Variants in GBP5 observed in about 807,000 individuals in gnomAD.
GBP5 encodes the protein guanylate-binding protein 5.
GBP5 carries 48 observed loss-of-function variants against 58.2 expected under a neutral mutation model. The observed-to-expected ratio is 0.83, with a 90% CI of 0.65 to 1.05. The LOEUF is 1.05. GBP5 is among the 50% of genes least tolerant of loss of function. The pLI is 0.00. For missense variants in GBP5, 714 were observed against 686.8 expected (o/e 1.04, Z -0.44); for synonymous variants, 248 against 251.8 (o/e 0.98, Z 0.14).
intron 4 of GBP5, 144 bp from the exon 5 acceptor site, chr1:89,267,670 C>T: frequency 1.6e-6 from 1 of 616,036 alleles, no homozygotes; most frequent in Admixed American, 2.7e-5. Flanking sequence ...CTCTTGTTAA[C>T]ATTGATAATT....
rs1007266647 is a variant in GBP5, at chr1:89,265,524, C to T, written c.869-558G>A. ...CGGGCGGATCACGAGGTGAGGAGAT[C>T]GAGACCATCTTGGCTAACACGGTGA... On this transcript the variant is annotated intron_variant, in intron 7 of 11. Coordinates refer to ENST00000370459, the MANE Select transcript of GBP5 (RefSeq NM_052942.5). Among the ~76,000 whole-genome samples, 56 of 151,170 alleles carry T rather than the reference C, an allele frequency of 3.7e-4. 1 individual carries two copies. The highest frequency in any genetic ancestry group is 1.3e-3 in the African/African-American group (52 of 41,258).
At chr1:89,268,695 G>A (rs1176493379) in intron 4 of GBP5, 34 bp downstream of exon 4, 3 of 1,610,190 alleles carry the variant, frequency 1.9e-6, no homozygotes. Flanking sequence ...ACAGTTCAGA[G>A]ATTAGGAGGT....
chr1:89,256,369 C>T lies in GBP5; in HGVS notation c.*4335G>A, dbSNP rs1232967296. On this transcript the variant is annotated 3_prime_UTR_variant, in exon 12 of 12. Coordinates refer to ENST00000370459, the MANE Select transcript of GBP5 (RefSeq NM_052942.5). ...GTGAAAGTTGTGATATTAGTTGGCTCTAGCAGGGTTGTCAGAAGTTGTCAT... is the reference window on the plus strand; with the variant it reads ...GTGAAAGTTGTGATATTAGTTGGCTTTAGCAGGGTTGTCAGAAGTTGTCAT... Among the ~76,000 whole-genome samples the T allele has an allele frequency of 1.3e-5, 2 of 152,292 alleles. No homozygotes were observed. Among genetic ancestry groups the T allele is most frequent in the South Asian group, 2.1e-4 (1 of 4,830 alleles).
intron 5 of GBP5, 37 bp from the exon 6 acceptor site, chr1:89,267,190 C>A: frequency 6.6e-7 from 1 of 1,513,144 alleles, no homozygotes; most frequent in Non-Finnish European, 9.0e-7. Flanking sequence ...AGAAATAGGA[C>A]CACATCTAAA....
Position 89,264,938 on chromosome 1 carries a change from GACAT to G in GBP5, c.893_896del (p.Tyr298SerfsTer12). 1 of 1,614,032 alleles carries G rather than the reference GACAT, an allele frequency of 6.2e-7. No individual in the cohort carries two copies. Among genetic ancestry groups the G allele is most frequent in the Non-Finnish European group, 8.5e-7 (1 of 1,179,890 alleles). ...GCAGATCCCCACTGCTGATGGCATT[GACAT>G]AGGTCAGCACCAGGTTCTTTAGACC... On this transcript the variant is annotated frameshift_variant, in exon 8 of 12. Coordinates refer to ENST00000370459, the MANE Select transcript of GBP5 (RefSeq NM_052942.5). LOFTEE classifies it high-confidence loss of function.
At chr1:89,265,110 T>C in intron 7 of GBP5, 144 bp from the exon 8 acceptor site, 5 of 722,070 alleles carry the variant, frequency 6.9e-6, no homozygotes, top group Non-Finnish European at 1.1e-5. Flanking sequence ...CCCAAATAAG[T>C]TTATTTGGGA....
At chr1:89,272,182 A>C (rs1013068623) in intron 1 of GBP5, 1 of 152,222 alleles carries the variant, frequency 6.6e-6, no homozygotes, top group African/African-American at 2.4e-5. Flanking sequence ...TATGATCCTG[A>C]ATAAGTCATA....
At chr1:89,263,616 C>A in intron 9 of GBP5, 120 bp downstream of exon 9, 1 of 676,738 alleles carries the variant, frequency 1.5e-6, no homozygotes, top group African/African-American at 1.8e-5. Context: ...AAAAGGATTA[C>A]TACTAGACAG....
intron 7 of GBP5, among the ~76,000 whole-genome samples, chr1:89,265,742 A>G (rs971508936): frequency 2.6e-5 from 4 of 151,732 alleles, no homozygotes; most frequent in Non-Finnish European, 4.4e-5. Flanking sequence ...AAAAAAAAAA[A>G]AAAAAAAAAG....
intron 4 of GBP5, 136 bp from the exon 5 acceptor site, chr1:89,267,662 CTT>C (rs968555449): frequency 8.0e-6 from 5 of 623,342 alleles, no homozygotes; most frequent in African/African-American, 5.5e-5. Flanking sequence ...GAATAGTTCT[CTT>C]GTTAACATTG....
intron 6 of GBP5, 45 bp from the exon 7 acceptor site, chr1:89,266,633 C>G (rs1350972589): frequency 1.3e-6 from 2 of 1,517,272 alleles, no homozygotes; most frequent in African/African-American, 1.4e-5. Flanking sequence ...ACTTTGCACT[C>G]ATTTTCATTT....
At chr1:89,267,982 C>G (rs1465170108) in intron 4 of GBP5, among the ~76,000 whole-genome samples, 1 of 151,998 alleles carries the variant, frequency 6.6e-6, no homozygotes, top group African/African-American at 2.4e-5. Flanking sequence ...ATCTTTAAGT[C>G]CTGGCAAATC....
In GBP5 at chr1:89,264,780, A is replaced by G; in HGVS notation, c.1055T>C (p.Leu352Pro). 1 of 1,614,220 alleles carries G rather than the reference A, an allele frequency of 6.2e-7. No homozygotes were observed. Among genetic ancestry groups the G allele is most frequent in the Non-Finnish European group, 8.5e-7 (1 of 1,180,034 alleles). ...CCTCTCACTGGTCCTGTGCAGGTCC[A>G]GCAGCTCCTGGAGGGTTTCCATGGG... ...QLPMETLQEL[L>P]DLHRTSEREA... The change falls in exon 8 of 12, where the codon CTG becomes CCG. Residue 352 changes from leucine to proline, a missense_variant. By Grantham distance (98) the Leu-to-Pro change is moderately conservative. Coordinates refer to ENST00000370459, the MANE Select transcript of GBP5 (RefSeq NM_052942.5).
At chr1:89,262,927 G>T in intron 9 of GBP5, 142 bp from the exon 10 acceptor site, 1 of 542,894 alleles carries the variant, frequency 1.8e-6, no homozygotes, top group Admixed American at 3.7e-5. Flanking sequence ...GAGAGGTGGA[G>T]CCTATACAGG....
chr1:89,262,490 A>G, intron 10 of GBP5, 89 bp from the exon 11 acceptor site: 2 of 1,245,776 alleles, frequency 1.6e-6, no homozygotes, highest in Non-Finnish European at 2.2e-6. Context: ...AACTTCCTGG[A>G]TAAAATTCCC....
chr1:89,266,824 ATTAT>A, intron 6 of GBP5, 129 bp downstream of exon 6: 1 of 626,090 alleles, frequency 1.6e-6, no homozygotes, highest in Non-Finnish European at 2.5e-6. Flanking sequence ...AAAAATATTT[ATTAT>A]TTATTTTTTA....
Position 89,266,335 on chromosome 1 carries a change from A to T in GBP5, c.868+11T>A. Reference sequence around the variant, plus strand: ...ATTAAATTGAAGGAAAATCCTAAAAATAATACTCACGAGATCCATTGACCA... The same window carrying T: ...ATTAAATTGAAGGAAAATCCTAAAATTAATACTCACGAGATCCATTGACCA... On this transcript the variant is annotated intron_variant, in intron 7 of 11. Coordinates refer to ENST00000370459, the MANE Select transcript of GBP5 (RefSeq NM_052942.5). The T allele has an allele frequency of 6.2e-7, 1 of 1,607,012 alleles. No individual in the cohort carries two copies. Among genetic ancestry groups the T allele is most frequent in the Non-Finnish European group, 8.5e-7 (1 of 1,175,182 alleles).
rs991483615 is a variant in GBP5 at position 89,259,408 on chromosome 1, T to C, written c.*1296A>G. On this transcript the variant is annotated 3_prime_UTR_variant, in exon 12 of 12. Transcript: ENST00000370459. ...TTGGAATTTCTCTACGCAGATTGTCTATTGACAGTGCCAAGGAAACATCTC... is the reference window on the plus strand; with the variant it reads ...TTGGAATTTCTCTACGCAGATTGTCCATTGACAGTGCCAAGGAAACATCTC... 6 of 152,208 alleles carry C rather than the reference T, an allele frequency of 3.9e-5. No individual in the cohort carries two copies. The highest frequency in any genetic ancestry group is 1.4e-4 in the African/African-American group (6 of 41,456). 9.4% of individuals were successfully genotyped at this position (152,208 alleles called of 1,614,324 possible). A position where few individuals can be genotyped will look rare whatever the true frequency, so the allele number is the denominator to read the frequency against.
At chr1:89,264,604 TAGCTAAG>T in intron 8 of GBP5, 75 bp downstream of exon 8, 3 of 1,242,570 alleles carry the variant, frequency 2.4e-6, no homozygotes, top group Admixed American at 4.4e-5. Context: ...TTTTTTTTCT[TAGCTAAG>T]TCCTATTTTA....
Sources: gnomAD v4.1 joint callset for allele counts (sites outside exome capture counted in the v4.1 genomes callset) on GRCh38, gnomAD v4.1.1 for gene constraint, MANE v1.5 for transcripts, NCBI Gene and HGNC (gene_info 2026-07-23, HGNC 2026-07-21) for gene names.